The following SRXN1 variants were observed in gnomAD, a reference collection of about 807,000 sequenced individuals.
The protein encoded by SRXN1 is sulfiredoxin-1.
A neutral mutation model predicts 11.0 loss-of-function variants in SRXN1; 11 were observed. The ratio of observed to expected loss-of-function variants is 1.00; its 90% CI spans 0.63 to 1.65. The LOEUF is 1.65. SRXN1 is among the 40% of genes most tolerant of loss of function. SRXN1 has a pLI of 0.00. For synonymous variants in SRXN1, 106 were observed against 92.8 expected, an observed-to-expected ratio of 1.14 and a Z score of -0.82; for missense variants, 211 against 194.5, an observed-to-expected ratio of 1.08 and a Z score of -0.50.
chr20:650,540 C>T (rs1254746083), intron 1 of SRXN1, among the ~76,000 whole-genome samples: 3 of 152,148 alleles, frequency 2.0e-5, no homozygotes, highest in Middle Eastern at 3.2e-3. Context: ...TAAGTGTGAG[C>T]GGCGTGGAAG....
At chr20:649,452 A>G (rs755023729) in intron 1 of SRXN1, among the ~76,000 whole-genome samples, 48 of 152,226 alleles carry the variant, frequency 3.2e-4, no homozygotes, top group Non-Finnish European at 5.7e-4. Flanking sequence ...CTGTAATCCC[A>G]GAACTTTGGG....
chr20:650,323 G>T (rs1983640278), intron 1 of SRXN1, among the ~76,000 whole-genome samples: 1 of 152,218 alleles, frequency 6.6e-6, no homozygotes, highest in African/African-American at 2.4e-5. Context: ...TGGGGACAGG[G>T]AGAGGTAGAC....
At position 647,827 on chromosome 20, in the gene SRXN1, C is replaced by T. The variant is rs760258316; in HGVS notation, c.*887G>A. 5.8e-6 allele frequency: 2 copies of T among 347,474 alleles called. No homozygotes were observed. Among genetic ancestry groups the T allele is most frequent in the Non-Finnish European group, 1.1e-5 (2 of 176,618 alleles). The allele number at this position is 347,474 out of a possible 1,614,324, so 21.5% of individuals were successfully genotyped here. Reference sequence around the variant, plus strand: ...CCAAGTTTGGGGATGGTTTGTTACACAGCAAAAGCTAACTGGTACACAATT... The same window carrying T: ...CCAAGTTTGGGGATGGTTTGTTACATAGCAAAAGCTAACTGGTACACAATT... On this transcript the variant is annotated 3_prime_UTR_variant, in exon 2 of 2. Transcript: ENST00000381962.
Position 648,275 on chromosome 20 carries a change from C to T in SRXN1, c.*439G>A, listed in dbSNP as rs79898358. On this transcript the variant is annotated 3_prime_UTR_variant, in exon 2 of 2. Coordinates refer to ENST00000381962, the MANE Select transcript of SRXN1 (RefSeq NM_080725.3). ...GGAGTTGTTGAACCAATACCATTAG[C>T]CACCCATCTCCAGAATCCATGCTAT... is the stretch of plus-strand genomic sequence containing the variant. 2.2e-6 allele frequency: 1 copy of T among 457,140 alleles called. No homozygotes were observed. Among genetic ancestry groups the T allele is most frequent in the African/African-American group, 2.0e-5 (1 of 50,222 alleles). The allele number at this position is 457,140 out of a possible 1,614,324, so 28.3% of individuals were successfully genotyped here.
chr20:651,767 C>A (rs1031753642), intron 1 of SRXN1, among the ~76,000 whole-genome samples: 1 of 151,724 alleles, frequency 6.6e-6, no homozygotes, highest in Non-Finnish European at 1.5e-5. Flanking sequence ...GCTCCTAACC[C>A]GGTAGGGATG....
At chr20:649,375 CTGAGG>C (rs572238181) in intron 1 of SRXN1, among the ~76,000 whole-genome samples, 60 of 152,256 alleles carry the variant, frequency 3.9e-4, no homozygotes, top group African/African-American at 1.4e-3. Context: ...CGAGGCCTCT[CTGAGG>C]TAAGAATGAA....
Position 648,915 on chromosome 20 carries a change from C to T in SRXN1, c.213G>A (p.Glu71=), listed in dbSNP as rs1348595062. The part of the protein sequence containing the change: ...KVQSLVDTIR[E]DPDSVPPIDV... ...CGATGGGGGGCACGCTGTCTGGGTC[C>T]TCCTGGGGAGAAGAGGCACAGAGTC... Residue 71 remains glutamate, a splice_region_variant and synonymous_variant, in exon 2 of 2, where the codon GAG becomes GAA. Coordinates refer to ENST00000381962, the MANE Select transcript of SRXN1 (RefSeq NM_080725.3). The T allele has an allele frequency of 1.9e-6, 3 of 1,613,884 alleles. No individual in the cohort carries two copies. Among genetic ancestry groups the T allele is most frequent in the East Asian group, 4.5e-5 (2 of 44,890 alleles).
In SRXN1 at chr20:648,092, G is replaced by A. The variant is rs6053663; in HGVS notation, c.*622C>T. On this transcript the variant is annotated 3_prime_UTR_variant, in exon 2 of 2. Transcript: ENST00000381962. Reference sequence around the variant, plus strand: ...GACGAGGTTTTACTTTCTGATAGAAGGTGACGGGTCCAGCTAGTTTGGCCC... The same window carrying A: ...GACGAGGTTTTACTTTCTGATAGAAAGTGACGGGTCCAGCTAGTTTGGCCC... 1 of 456,192 alleles carries A rather than the reference G, an allele frequency of 2.2e-6. No homozygotes were observed. Among genetic ancestry groups the A allele is most frequent in the Non-Finnish European group, 4.4e-6 (1 of 226,984 alleles). 28.3% of individuals were successfully genotyped at this position (456,192 alleles called of 1,614,324 possible). A position where few individuals can be genotyped will look rare whatever the true frequency, so the allele number is the denominator to read the frequency against.
intron 1 of SRXN1, 106 bp from the exon 2 acceptor site, chr20:649,023 G>T: frequency 8.5e-7 from 1 of 1,171,534 alleles, no homozygotes; most frequent in Non-Finnish European, 1.2e-6. Flanking sequence ...GATCACACTG[G>T]ACTACTGTGA....
At chr20:651,607 C>T (rs1483401229) in intron 1 of SRXN1, among the ~76,000 whole-genome samples, 1 of 151,892 alleles carries the variant, frequency 6.6e-6, no homozygotes, top group Non-Finnish European at 1.5e-5. Context: ...TGGCTTGAAC[C>T]CGGGAGGCGG....
At chr20:649,828 G>A (rs934640131) in intron 1 of SRXN1, among the ~76,000 whole-genome samples, 4 of 152,084 alleles carry the variant, frequency 2.6e-5, no homozygotes, top group African/African-American at 9.7e-5. Flanking sequence ...TGCCTCAGTT[G>A]CCCCATCTAT....
In SRXN1 at chr20:647,680, G is replaced by A. The variant is rs957282145; in HGVS notation, c.*1034C>T. The A allele has an allele frequency of 3.7e-6, 1 of 272,128 alleles. No individual in the cohort carries two copies. Among genetic ancestry groups the A allele is most frequent in the Admixed American group, 5.0e-5 (1 of 20,104 alleles). The allele number at this position is 272,128 out of a possible 1,614,324, so 16.9% of individuals were successfully genotyped here. Reference sequence around the variant, plus strand: ...CCTAGACCATCCAGGCCCAGCTGAGGTAACAGCTGACCTTAGCTCCATGAG... The same window carrying A: ...CCTAGACCATCCAGGCCCAGCTGAGATAACAGCTGACCTTAGCTCCATGAG... On this transcript the variant is annotated 3_prime_UTR_variant, in exon 2 of 2. Transcript: ENST00000381962.
chr20:649,651 G>A (rs1318202644), intron 1 of SRXN1, among the ~76,000 whole-genome samples: 4 of 151,122 alleles, frequency 2.6e-5, no homozygotes, highest in African/African-American at 9.7e-5. Flanking sequence ...GCAGTGAGCT[G>A]AGATCGCACC....
At chr20:652,951 T>C (rs1481146583) in intron 1 of SRXN1, 25 bp downstream of exon 1, 15 of 1,420,928 alleles carry the variant, frequency 1.1e-5, no homozygotes, top group Middle Eastern at 1.8e-4. Flanking sequence ...CTCCCTCCGG[T>C]TGGCTGGACT....
At position 646,655 on chromosome 20, in the gene SRXN1, T is replaced by TA. The variant is rs765505170; in HGVS notation, c.*2058dup. 2.0e-5 allele frequency: 3 copies of TA among 151,354 alleles called. No homozygotes were observed. The highest frequency in any genetic ancestry group is 2.0e-4 in the Admixed American group (3 of 15,200). The allele number at this position is 151,354 out of a possible 1,614,324, so 9.4% of individuals were successfully genotyped here. A position where few individuals can be genotyped will look rare whatever the true frequency, so the allele number is the denominator to read the frequency against. On this transcript the variant is annotated 3_prime_UTR_variant, in exon 2 of 2. Coordinates refer to ENST00000381962, the MANE Select transcript of SRXN1 (RefSeq NM_080725.3). ...TAAATAAACTTTTATTTTGGAATGA[T>TA]ACTAGATTTACAGAGAAGTTGCAGA...
intron 1 of SRXN1, among the ~76,000 whole-genome samples, chr20:652,234 C>T (rs765158642): frequency 3.3e-5 from 5 of 151,992 alleles, no homozygotes; most frequent in Non-Finnish European, 7.4e-5. Flanking sequence ...TGAAAGTTAT[C>T]GGGGGTGGCT....
intron 1 of SRXN1, among the ~76,000 whole-genome samples, chr20:650,776 T>C (rs1983652065): frequency 6.6e-6 from 1 of 152,208 alleles, no homozygotes. Flanking sequence ...GTCAGTGAGC[T>C]GATGCCTACC....
chr20:646,657 C>T lies in SRXN1; in HGVS notation c.*2057G>A, dbSNP rs969742808. On this transcript the variant is annotated 3_prime_UTR_variant, in exon 2 of 2. Transcript: ENST00000381962. ...AATAAACTTTTATTTTGGAATGATA[C>T]TAGATTTACAGAGAAGTTGCAGAGA... The T allele has an allele frequency of 6.7e-6, 1 of 150,036 alleles. No homozygotes were observed. Among genetic ancestry groups the T allele is most frequent in the African/African-American group, 2.5e-5 (1 of 40,556 alleles). 9.3% of individuals were successfully genotyped at this position (150,036 alleles called of 1,614,324 possible).
intron 1 of SRXN1, 51 bp downstream of exon 1, chr20:652,925 T>C: frequency 7.4e-7 from 1 of 1,351,742 alleles, no homozygotes; most frequent in Admixed American, 3.0e-5. Context: ...TCCGGCAACC[T>C]CCCTCCTCCG....
Sources: gnomAD v4.1 joint callset for allele counts (sites outside exome capture counted in the v4.1 genomes callset) on GRCh38, gnomAD v4.1.1 for gene constraint, MANE v1.5 for transcripts, NCBI Gene and HGNC (gene_info 2026-07-23, HGNC 2026-07-21) for gene names.